The following ARHGAP40 variants were observed in gnomAD, a reference collection of about 807,000 sequenced individuals.
ARHGAP40 encodes the protein rho GTPase-activating protein 40.
A neutral mutation model predicts 73.5 loss-of-function variants in ARHGAP40; 43 were observed. That is an observed-to-expected ratio of 0.58 (90% CI 0.46 to 0.75). ARHGAP40 has a LOEUF of 0.75. Among genes scored for constraint, ARHGAP40 ranks in the 30% least tolerant of loss-of-function variants. ARHGAP40 has a pLI of 0.00. For missense variants in ARHGAP40, 734 were observed against 861.8 expected, an observed-to-expected ratio of 0.85 and a Z score of 1.86; for synonymous variants, 300 against 352.8, an observed-to-expected ratio of 0.85 and a Z score of 1.68.
chr20:38,622,793 T>C (rs2088880030), intron 1 of ARHGAP40, among the ~76,000 whole-genome samples: 1 of 152,192 alleles, frequency 6.6e-6, no homozygotes, highest in African/African-American at 2.4e-5. Context: ...CCTCTGCCCT[T>C]GGTTCAACAC....
chr20:38,608,113 G>A (rs982300437), intron 1 of ARHGAP40, among the ~76,000 whole-genome samples: 1 of 152,130 alleles, frequency 6.6e-6, no homozygotes, highest in Non-Finnish European at 1.5e-5. Context: ...GCTTTCTTCT[G>A]TTATGGCTTC....
At chr20:38,627,683 TTG>T (rs754473034) in intron 3 of ARHGAP40, among the ~76,000 whole-genome samples, 3 of 104,960 alleles carry the variant, frequency 2.9e-5, no homozygotes, top group East Asian at 2.4e-4. Context: ...GGTGTGTGTG[TTG>T]TGTGTGTGTT....
chr20:38,639,118 CTTG>C, intron 8 of ARHGAP40, 106 bp from the exon 9 acceptor site: 2 of 1,153,542 alleles, frequency 1.7e-6, no homozygotes, highest in African/African-American at 1.6e-5. Flanking sequence ...GGGAGGTGCT[CTTG>C]TTGTCCCCAC....
chr20:38,633,965 C>T (rs2088957482), intron 5 of ARHGAP40, among the ~76,000 whole-genome samples: 1 of 152,226 alleles, frequency 6.6e-6, no homozygotes, highest in African/African-American at 2.4e-5. Context: ...TGTGGAAGGG[C>T]AGGCAGTGAA....
chr20:38,627,642 T>TGGGGTGTGTTGGTGTGTGTG (rs1390650169), intron 3 of ARHGAP40, among the ~76,000 whole-genome samples: 2 of 84,458 alleles, frequency 2.4e-5, no homozygotes, highest in Admixed American at 2.4e-4. Flanking sequence ...GGGGTGTGTG[T>TGGGGTGTGTTGGTGTGTGTG]GGGGTGTGTT....
Position 38,627,326 on chromosome 20 carries a change from G to A in ARHGAP40, c.558+111G>A. On this transcript the variant is annotated intron_variant, in intron 3 of 14. Transcript: ENST00000373345. ...TGAAGGGCTGTGTTGGTGTGTGTAT[G>A]TGTGTGTTGGTGTGTGGGTGTTGGT... is the stretch of plus-strand genomic sequence containing the variant. 2.1e-6 allele frequency: 2 copies of A among 959,482 alleles called. 1 individual carries two copies. 59.4% of individuals were successfully genotyped at this position (959,482 alleles called of 1,614,324 possible). A position where few individuals can be genotyped will look rare whatever the true frequency, so the allele number is the denominator to read the frequency against.
In ARHGAP40 at chr20:38,630,104, T is replaced by TTTTCG. The variant is rs201943948; in HGVS notation, c.783+458_783+459insGTTTC. Among the ~76,000 whole-genome samples the TTTTCG allele has an allele frequency of 4.2e-3, 378 of 89,096 alleles. 2 individuals carry two copies. The highest frequency in any genetic ancestry group is 0.012 in the African/African-American group (364 of 31,358). 58.5% of individuals were successfully genotyped at this position (89,096 alleles called of 152,430 possible). On this transcript the variant is annotated intron_variant, in intron 5 of 14. Coordinates refer to ENST00000373345, the Ensembl canonical transcript of ARHGAP40. ...TCTTTTTCTTTCTTTCTTTCTTTGT[T>TTTTCG]TTTCTTTTCTTTCTCTTTCTTTCCT...
intron 2 of ARHGAP40, 141 bp downstream of exon 2, chr20:38,623,699 C>A (rs6064779): frequency 0.36 from 183,285 of 513,520 alleles, 35,233 homozygotes; most frequent in Non-Finnish European, 0.38. Flanking sequence ...CTCTTCACTG[C>A]TCTCCCTGCT....
chr20:38,611,025 G>A (rs552020559), intron 1 of ARHGAP40, among the ~76,000 whole-genome samples: 1 of 151,970 alleles, frequency 6.6e-6, no homozygotes, highest in East Asian at 1.9e-4. Flanking sequence ...GAGTAGCTGG[G>A]ATTACAGGCA....
exon 15 of ARHGAP40, chr20:38,650,267 T>TA: frequency 2.2e-6 from 1 of 452,568 alleles, no homozygotes; most frequent in South Asian, 1.6e-5. Flanking sequence ...GGCTTCTGTC[T>TA]GTGGCTTCCA....
intron 1 of ARHGAP40, among the ~76,000 whole-genome samples, chr20:38,611,499 C>T (rs2088804765): frequency 1.3e-5 from 2 of 148,698 alleles, no homozygotes; most frequent in African/African-American, 4.9e-5. Flanking sequence ...CTCACTGCAA[C>T]CTCAAACTCC....
intron 4 of ARHGAP40, 41 bp from the exon 5 acceptor site, chr20:38,629,461 T>G: frequency 7.7e-7 from 1 of 1,303,964 alleles, no homozygotes; most frequent in Non-Finnish European, 1.0e-6. Flanking sequence ...TGGCAGCCAG[T>G]TCTCACTGCC....
chr20:38,641,403 G>C lies in ARHGAP40; in HGVS notation c.1280-323G>C, dbSNP rs538630764. Among the ~76,000 whole-genome samples, 309 of 152,292 alleles carry C rather than the reference G, an allele frequency of 2.0e-3. 2 individuals carry two copies. The highest frequency in any genetic ancestry group is 6.7e-3 in the African/African-American group (279 of 41,568). On this transcript the variant is annotated intron_variant, in intron 9 of 14. Coordinates refer to ENST00000373345, the Ensembl canonical transcript of ARHGAP40. ...TTGAGCTCTCTGTCTCCCTTCCTAA[G>C]GGTGATTTGCTGGTTCATTGCATTT...
At chr20:38,637,675 T>G (rs2145610535) in intron 6 of ARHGAP40, 33 bp from the exon 7 acceptor site, 1 of 1,299,994 alleles carries the variant, frequency 7.7e-7, no homozygotes, top group South Asian at 1.2e-5. Flanking sequence ...TTCCAAGAAG[T>G]GAAATGTGCC....
At position 38,646,844 on chromosome 20, in the gene ARHGAP40, T is replaced by C; in HGVS notation, c.1711-113T>C. 1.0e-6 allele frequency: 1 copy of C among 998,408 alleles called. No individual in the cohort carries two copies. The highest frequency in any genetic ancestry group is 2.6e-4 in the Middle Eastern group (1 of 3,844). The allele number at this position is 998,408 out of a possible 1,614,324, so 61.8% of individuals were successfully genotyped here. Reference sequence around the variant, plus strand: ...TATGCGTGTGTGTGTATCTTGTGATTTTCAGCGTGGGCATTTGCGTAAGTG... The same window carrying C: ...TATGCGTGTGTGTGTATCTTGTGATCTTCAGCGTGGGCATTTGCGTAAGTG... On this transcript the variant is annotated intron_variant, in intron 12 of 14. Transcript: ENST00000373345. The surrounding 1 kb of genome is among the most constrained non-coding windows in gnomAD (Gnocchi z 4.5).
intron 11 of ARHGAP40, among the ~76,000 whole-genome samples, chr20:38,644,763 T>C: frequency 6.6e-6 from 1 of 150,728 alleles, no homozygotes; most frequent in Non-Finnish European, 1.5e-5. Context: ...TCCACTCATC[T>C]ACCAATCCAT....
intron 1 of ARHGAP40, among the ~76,000 whole-genome samples, chr20:38,609,216 C>T (rs2088790935): frequency 6.6e-6 from 1 of 152,162 alleles, no homozygotes; most frequent in Non-Finnish European, 1.5e-5. Flanking sequence ...CTTCAGTCCC[C>T]TGCCTCCACC....
intron 3 of ARHGAP40, among the ~76,000 whole-genome samples, chr20:38,628,675 T>C (rs1334505090): frequency 2.0e-5 from 3 of 152,216 alleles, no homozygotes; most frequent in African/African-American, 7.2e-5. Context: ...GTGGGCATCA[T>C]CTTTCTTGGA....
At chr20:38,641,213 C>A (rs2089016513) in intron 9 of ARHGAP40, among the ~76,000 whole-genome samples, 1 of 152,168 alleles carries the variant, frequency 6.6e-6, no homozygotes, top group African/African-American at 2.4e-5. Context: ...CTCTCAGCTG[C>A]TGGGTCTTGT....
Sources: allele counts gnomAD v4.1 joint callset (sites outside exome capture counted in the v4.1 genomes callset), GRCh38; gene constraint gnomAD v4.1.1; non-coding constraint Gnocchi (gnomAD v3.1); transcripts MANE v1.5; gene names NCBI Gene and HGNC (gene_info 2026-07-23, HGNC 2026-07-21).